The following UBN1 variants were observed in gnomAD, a reference collection of about 807,000 sequenced individuals.
UBN1 encodes the protein ubinuclein 1, also known as ubinuclein-1.
In UBN1, 17 loss-of-function variants were observed where a neutral mutation model predicts 108.5. The ratio of observed to expected loss-of-function variants is 0.16; its 90% CI spans 0.11 to 0.24. UBN1 has a LOEUF of 0.24. Among genes scored for constraint, UBN1 ranks in the 10% least tolerant of loss-of-function variants. The probability of loss-of-function intolerance (pLI) is 1.00; values close to 1 mark genes in which losing one functional copy is unlikely to be tolerated. For missense variants in UBN1, 1,595 were observed against 1,394.4 expected (o/e 1.14, Z -2.29); for synonymous variants, 726 against 564.2 (o/e 1.29, Z -4.07).
intron 2 of UBN1, among the ~76,000 whole-genome samples, chr16:4,856,308 G>A (rs1168242208): frequency 2.6e-5 from 4 of 152,162 alleles, no homozygotes; most frequent in Non-Finnish European, 4.4e-5. Flanking sequence ...ATTCAGTCCT[G>A]GACTTCGGGT....
rs17137364 is a variant in UBN1, at chr16:4,875,290, T to G, written c.2880T>G (p.Val960=). ...VPSSAGKKMP[V]SQKLTLVAPP... The stretch of plus-strand genomic sequence containing the variant: ...GTTCAGCAGGGAAAAAAATGCCTGT[T>G]TCCCAGAAGTTGACTCTGGTAGCCC... The change falls in exon 15 of 18, where the codon GTT becomes GTG. Residue 960 remains valine (V), a synonymous_variant. Transcript: ENST00000262376. The G allele has an allele frequency of 0.072, 116,752 of 1,614,154 alleles. 4,598 individuals are homozygous for G. Among genetic ancestry groups the G allele is most frequent in the African/African-American group, 0.13 (9,445 of 75,024 alleles).
intron 8 of UBN1, among the ~76,000 whole-genome samples, chr16:4,869,218 G>C (rs1030967321): frequency 6.6e-6 from 1 of 152,298 alleles, no homozygotes; most frequent in Admixed American, 6.5e-5. Flanking sequence ...AGAGAGAGAA[G>C]GTGTTGCCTG....
In UBN1 at chr16:4,871,200, C is replaced by A. The variant is rs769175520; in HGVS notation, c.1605C>A (p.Asp535Glu). 10 of 1,614,070 alleles carry A rather than the reference C, an allele frequency of 6.2e-6. No individual in the cohort carries two copies. The Admixed American group carries it at 1.7e-4, about 27-fold the overall frequency. ...QVVKIKLESQ[D>E]LERNNKAQAW... ...TGAAGATCAAACTGGAGAGCCAGGA[C>A]CTGGAGAGGAACAACAAAGCCCAGG... Residue 535 changes from aspartate (D) to glutamate (E), a missense_variant, in exon 12 of 18, where the codon GAC (aspartate) becomes GAA (glutamate). Physicochemically the swap from Asp to Glu is conservative, Grantham distance 45. Coordinates refer to ENST00000262376, the MANE Select transcript of UBN1 (RefSeq NM_001079514.3).
At chr16:4,864,579 G>C (rs537492894) in intron 7 of UBN1, among the ~76,000 whole-genome samples, 28 of 152,128 alleles carry the variant, frequency 1.8e-4, no homozygotes, top group Non-Finnish European at 2.2e-4. Flanking sequence ...TGCATTGATG[G>C]TGTCTTTTGT....
Position 4,874,615 on chromosome 16 carries a change from C to G in UBN1, c.2205C>G (p.Pro735=), listed in dbSNP as rs1489501364. Residue 735 remains proline (P), a synonymous_variant, in exon 15 of 18, where the codon CCC becomes CCG. Transcript: ENST00000262376. ...APPPASSLQS[P]LNFLAEQALA... ...CACCAGCTAGCTCTCTGCAGTCACC[C>G]CTCAATTTTCTGGCAGAACAGGCTC... is the stretch of plus-strand genomic sequence containing the variant. 1 of 1,614,206 alleles carries G rather than the reference C, an allele frequency of 6.2e-7. No homozygotes were observed. Among genetic ancestry groups the G allele is most frequent in the Admixed American group, 1.7e-5 (1 of 60,018 alleles).
At chr16:4,878,571 T>G (rs1596533713) in intron 17 of UBN1, among the ~76,000 whole-genome samples, 2 of 152,152 alleles carry the variant, frequency 1.3e-5, no homozygotes, top group African/African-American at 4.8e-5. Context: ...CACTAGTGAC[T>G]CCTCCTTTCC....
intron 1 of UBN1, 63 bp from the exon 2 acceptor site, chr16:4,852,812 TTTAA>T: frequency 7.1e-7 from 1 of 1,399,084 alleles, no homozygotes; most frequent in Admixed American, 2.4e-5. Context: ...CTTAAATCTC[TTTAA>T]TTAGGCAGGT....
At chr16:4,863,645 G>A (rs143889032) in intron 7 of UBN1, among the ~76,000 whole-genome samples, 171 of 151,850 alleles carry the variant, frequency 1.1e-3, no homozygotes, top group African/African-American at 4.0e-3. Flanking sequence ...TATAAGATTG[G>A]GTAGACTTTA....
At chr16:4,873,219 G>A in intron 14 of UBN1, 146 bp downstream of exon 14, 2 of 1,214,870 alleles carry the variant, frequency 1.6e-6, no homozygotes, top group East Asian at 2.5e-5. Flanking sequence ...AGTCATAACA[G>A]GACAGAGACC....
In UBN1 at chr16:4,875,183, G is replaced by A. The variant is rs758443384; in HGVS notation, c.2773G>A (p.Val925Ile). 6.2e-7 allele frequency: 1 copy of A among 1,614,264 alleles called. No individual in the cohort carries two copies. The highest frequency in any genetic ancestry group is 1.1e-5 in the South Asian group (1 of 91,088). The change falls in exon 15 of 18, where the codon GTC becomes ATC. Residue 925 changes from valine to isoleucine, a missense_variant. Around this residue, in one of 3 missense-constraint regions of UBN1, gnomAD observed 1,398 missense variants for 1,194.7 expected, o/e 1.17. Transcript: ENST00000262376. ...SGSSSSGGTPVQSSVSGSLVP... is the reference protein window; with the variant it reads ...SGSSSSGGTPIQSSVSGSLVP... The stretch of plus-strand genomic sequence containing the variant: ...CAGCTCTTCCTCGGGAGGAACACCA[G>A]TCCAGAGTTCTGTTTCTGGGAGCCT...
rs756873906 is a variant in UBN1 at position 4,860,660 on chromosome 16, G to A, written c.672-4G>A. The A allele has an allele frequency of 2.5e-6, 4 of 1,606,486 alleles. No individual in the cohort carries two copies. Among genetic ancestry groups the A allele is most frequent in the East Asian group, 2.2e-5 (1 of 44,870 alleles). On this transcript the variant is annotated splice_polypyrimidine_tract_variant and splice_region_variant and intron_variant, in intron 6 of 17. Transcript: ENST00000262376. ...TGAGTGACCAGTTTCCCTCTTGCTT[G>A]CAGCTTCACAGCCCTCAATGCCAGT...
chr16:4,863,041 A>G (rs530100185), intron 7 of UBN1, among the ~76,000 whole-genome samples: 3 of 152,344 alleles, frequency 2.0e-5, no homozygotes, highest in East Asian at 1.9e-4. Context: ...CTATAACAGC[A>G]TTAAGAAACT....
At chr16:4,873,929 C>T (rs763208859) in intron 14 of UBN1, among the ~76,000 whole-genome samples, 1 of 152,210 alleles carries the variant, frequency 6.6e-6, no homozygotes, top group African/African-American at 2.4e-5. Context: ...TAACGCTTTT[C>T]AAAACAGAAG....
intron 1 of UBN1, among the ~76,000 whole-genome samples, chr16:4,849,851 C>A (rs1040991776): frequency 1.3e-5 from 2 of 149,418 alleles, no homozygotes; most frequent in Admixed American, 6.8e-5. Context: ...CCTGCCTTAG[C>A]CTCCCAAAGT....
In UBN1 at chr16:4,860,890, G is replaced by T. The variant is rs757395086; in HGVS notation, c.898G>T (p.Asp300Tyr). 3 of 1,614,246 alleles carry T rather than the reference G, an allele frequency of 1.9e-6. No homozygotes were observed. Among genetic ancestry groups the T allele is most frequent in the South Asian group, 2.2e-5 (2 of 91,080 alleles). Residue 300 changes from aspartate to tyrosine, a missense_variant, in exon 7 of 18, where the codon GAC (aspartate) becomes TAC (tyrosine). By Grantham distance (160) the Asp-to-Tyr change is radical. Around this residue, in one of 3 missense-constraint regions of UBN1, gnomAD observed 1,398 missense variants for 1,194.7 expected, o/e 1.17. Transcript: ENST00000262376. ...ACTCTTTGGCTCTACTTCTGACAAC[G>T]ACTTGCTCCAGGCGGCCACTGCCAT... Reference protein sequence around the residue: ...LSLFGSTSDNDLLQAATAMDS... With the variant: ...LSLFGSTSDNYLLQAATAMDS...
chr16:4,879,903 A>G (rs1681957575), intron 17 of UBN1, among the ~76,000 whole-genome samples, 180 bp from the exon 18 acceptor site: 2 of 152,162 alleles, frequency 1.3e-5, no homozygotes, highest in Admixed American at 1.3e-4. Flanking sequence ...GGCTGTGGCC[A>G]GGAGTAGTGT....
intron 17 of UBN1, among the ~76,000 whole-genome samples, 155 bp from the exon 18 acceptor site, chr16:4,879,928 T>A (rs2088028548): frequency 6.6e-6 from 1 of 152,224 alleles, no homozygotes; most frequent in Non-Finnish European, 1.5e-5. Context: ...GAATAACTGC[T>A]GGCTGGTGTC....
In UBN1 at chr16:4,881,305, A is replaced by T. The variant is rs779473831; in HGVS notation, c.*1173A>T. On this transcript the variant is annotated 3_prime_UTR_variant, in exon 18 of 18. Transcript: ENST00000262376. ...CTGGGGCTCTCCAGGCAGTGGGGTT[A>T]TGTGTCGACTGAAGGGTGATGTGCA... 4 of 152,584 alleles carry T rather than the reference A, an allele frequency of 2.6e-5. No individual in the cohort carries two copies. The highest frequency in any genetic ancestry group is 5.9e-5 in the Non-Finnish European group (4 of 68,086). 9.5% of individuals were successfully genotyped at this position (152,584 alleles called of 1,614,324 possible).
chr16:4,871,845 C>T (rs2087656228), intron 12 of UBN1, among the ~76,000 whole-genome samples: 1 of 152,132 alleles, frequency 6.6e-6, no homozygotes, highest in African/African-American at 2.4e-5. Flanking sequence ...CTTGGCCTCC[C>T]TAAGTGCTGG....
Sources: allele counts gnomAD v4.1 joint callset (sites outside exome capture counted in the v4.1 genomes callset), GRCh38; gene constraint gnomAD v4.1.1; regional missense constraint gnomAD v4.1.1; transcripts MANE v1.5; gene names NCBI Gene and HGNC (gene_info 2026-07-23, HGNC 2026-07-21).